CSMD1: variants seen among roughly 807,000 people sequenced by gnomAD.
The protein encoded by CSMD1 is CUB and sushi domain-containing protein 1.
A neutral mutation model predicts 417.5 loss-of-function variants in CSMD1; 213 were observed. The observed-to-expected ratio is 0.51, with a 90% confidence interval of 0.46 to 0.57. The LOEUF (loss-of-function observed/expected upper bound fraction) is 0.57. Among genes scored for constraint, CSMD1 ranks in the 20% least tolerant of loss-of-function variants. The pLI, the probability that CSMD1 is intolerant of heterozygous loss-of-function variation, is 0.00. For synonymous variants in CSMD1, 2,862 were observed against 1,736.8 expected, an observed-to-expected ratio of 1.65 and a Z score of -16.11; for missense variants, 6,923 against 4,529.7, an observed-to-expected ratio of 1.53 and a Z score of -15.17.
intron 1 of CSMD1, among the ~76,000 whole-genome samples, chr8:4,879,629 A>T (rs879016501): frequency 2.0e-5 from 3 of 152,122 alleles, no homozygotes; most frequent in African/African-American, 7.2e-5. Flanking sequence ...AACAACAGTT[A>T]AAGAGCCAGA....
At chr8:3,314,900 C>A (rs563989719) in intron 23 of CSMD1, among the ~76,000 whole-genome samples, 1 of 152,312 alleles carries the variant, frequency 6.6e-6, no homozygotes, top group South Asian at 2.1e-4. Context: ...ACAACGAGCT[C>A]ACAGTAATGT....
At chr8:4,651,017 T>C (rs976529487) in intron 1 of CSMD1, among the ~76,000 whole-genome samples, 1 of 152,192 alleles carries the variant, frequency 6.6e-6, no homozygotes, top group Non-Finnish European at 1.5e-5. Flanking sequence ...CAAGGGACCA[T>C]TTGCAATATT....
At chr8:4,944,088 G>A (rs565991075) in intron 1 of CSMD1, among the ~76,000 whole-genome samples, 4 of 152,176 alleles carry the variant, frequency 2.6e-5, no homozygotes, top group Non-Finnish European at 4.4e-5. Flanking sequence ...AGGAAGTTTG[G>A]AGTAGAAGGA....
chr8:4,380,684 A>G (rs557966786), intron 3 of CSMD1, among the ~76,000 whole-genome samples: 80 of 152,350 alleles, frequency 5.3e-4, no homozygotes, highest in African/African-American at 1.7e-3. Flanking sequence ...CCATACTAAC[A>G]TAAGACATTA....
chr8:3,474,371 G>T (rs538324118), intron 11 of CSMD1, among the ~76,000 whole-genome samples: 2 of 152,024 alleles, frequency 1.3e-5, no homozygotes, highest in African/African-American at 4.8e-5. Context: ...GACCTCTCTC[G>T]GGGGAAGAGG....
Position 3,994,447 on chromosome 8 carries a change from G to GAAAA in CSMD1, c.818+3452_818+3455dup, listed in dbSNP as rs56184992. ...TAGGCTACACCATCAAATCTCTTCA[G>GAAAA]AAAAAAAAAAAAAAAAAAAGAACAC... On this transcript the variant is annotated intron_variant, in intron 5 of 69. Coordinates refer to ENST00000635120, the MANE Select transcript of CSMD1 (RefSeq NM_033225.6). 1.0e-2 allele frequency among the ~76,000 whole-genome samples: 1,188 copies of GAAAA among 118,998 alleles called. 30 individuals carry two copies. Among genetic ancestry groups the GAAAA allele is most frequent in the South Asian group, 0.021 (72 of 3,408 alleles). 78.1% of individuals were successfully genotyped at this position (118,998 alleles called of 152,430 possible).
intron 3 of CSMD1, among the ~76,000 whole-genome samples, chr8:4,351,711 G>C (rs1411588598): frequency 2.0e-5 from 3 of 152,182 alleles, no homozygotes; most frequent in East Asian, 1.9e-4. Flanking sequence ...GAATTAGCCA[G>C]ACATGGAAAA....
chr8:4,492,362 G>C (rs956463200), intron 2 of CSMD1, among the ~76,000 whole-genome samples: 1 of 152,176 alleles, frequency 6.6e-6, no homozygotes, highest in Non-Finnish European at 1.5e-5. Flanking sequence ...ATATTACTAA[G>C]TGAAAGAAGG....
chr8:4,023,056 G>A (rs934715089), intron 4 of CSMD1, among the ~76,000 whole-genome samples: 26 of 152,078 alleles, frequency 1.7e-4, no homozygotes, highest in African/African-American at 6.3e-4. Flanking sequence ...CCATTTCCTG[G>A]CTCTCTTTGC....
At chr8:3,921,734 G>C (rs1368019669) in intron 5 of CSMD1, among the ~76,000 whole-genome samples, 1 of 152,064 alleles carries the variant, frequency 6.6e-6, no homozygotes, top group Non-Finnish European at 1.5e-5. Context: ...CATAATATAA[G>C]AGTCAGGAAA....
At chr8:4,285,700 C>G (rs1797022388) in intron 3 of CSMD1, among the ~76,000 whole-genome samples, 1 of 152,130 alleles carries the variant, frequency 6.6e-6, no homozygotes, top group African/African-American at 2.4e-5. Flanking sequence ...CTTTCCAGAA[C>G]TAGTAAAACA....
At chr8:3,466,202 G>A (rs989962882) in intron 12 of CSMD1, among the ~76,000 whole-genome samples, 1 of 151,322 alleles carries the variant, frequency 6.6e-6, no homozygotes, top group South Asian at 2.1e-4. Context: ...GTGATTACTA[G>A]GACTTTTTTT....
At chr8:4,670,385 T>C (rs534671474) in intron 1 of CSMD1, among the ~76,000 whole-genome samples, 1 of 152,264 alleles carries the variant, frequency 6.6e-6, no homozygotes, top group South Asian at 2.1e-4. Flanking sequence ...CATGTTCTCC[T>C]AATAAGTGAA....
At chr8:3,124,045 A>C (rs1384172319) in intron 41 of CSMD1, among the ~76,000 whole-genome samples, 11 of 152,204 alleles carry the variant, frequency 7.2e-5, no homozygotes, top group Non-Finnish European at 1.2e-4. Flanking sequence ...TAAAGATTCT[A>C]AGCCCAATGG....
intron 7 of CSMD1, among the ~76,000 whole-genome samples, chr8:3,670,549 C>T (rs1013562068): frequency 2.7e-5 from 3 of 109,222 alleles, no homozygotes; most frequent in South Asian, 3.1e-4. Flanking sequence ...TACATATATC[C>T]CATATATATA....
chr8:4,730,771 G>T (rs1047806524), intron 1 of CSMD1, among the ~76,000 whole-genome samples: 1 of 151,828 alleles, frequency 6.6e-6, no homozygotes, highest in Admixed American at 6.6e-5. Context: ...AAAGAATAAA[G>T]GAAATGAATA....
chr8:4,098,117 T>C (rs1801116988), intron 3 of CSMD1, among the ~76,000 whole-genome samples: 1 of 152,194 alleles, frequency 6.6e-6, no homozygotes, highest in African/African-American at 2.4e-5. Flanking sequence ...TAAGATGATC[T>C]TTCACTCATC....
At chr8:3,028,620 T>A (rs989503031) in intron 51 of CSMD1, among the ~76,000 whole-genome samples, 33 of 152,372 alleles carry the variant, frequency 2.2e-4, no homozygotes, top group African/African-American at 6.7e-4. Context: ...CTATTAAAAG[T>A]TGAATTAAAA....
intron 3 of CSMD1, among the ~76,000 whole-genome samples, chr8:4,268,451 G>A (rs1023333783): frequency 6.6e-6 from 1 of 152,132 alleles, no homozygotes; most frequent in Non-Finnish European, 1.5e-5. Flanking sequence ...CAAGTCTGAG[G>A]TACTGAAAGG....
Sources: gnomAD v4.1 joint callset for allele counts (sites outside exome capture counted in the v4.1 genomes callset) on GRCh38, gnomAD v4.1.1 for gene constraint, MANE v1.5 for transcripts, NCBI Gene and HGNC (gene_info 2026-07-23, HGNC 2026-07-21) for gene names.